Variants in CAPZA1 observed in about 807,000 individuals in gnomAD.
The protein encoded by CAPZA1 is F-actin-capping protein subunit alpha-1.
A neutral mutation model predicts 40.8 loss-of-function variants in CAPZA1; 10 were observed. The observed-to-expected ratio is 0.25, with a 90% CI of 0.15 to 0.42. The LOEUF is 0.42. CAPZA1 is among the 10% of genes least tolerant of loss of function. The pLI is 1.00. For missense variants in CAPZA1, 277 were observed against 353.8 expected (o/e 0.78, Z 1.74); for synonymous variants, 98 against 115.0 (o/e 0.85, Z 0.95).
intron 7 of CAPZA1, among the ~76,000 whole-genome samples, chr1:112,663,566 A>T (rs567319727): frequency 6.6e-6 from 1 of 151,710 alleles, no homozygotes; most frequent in Non-Finnish European, 1.5e-5. Context: ...CAGTGGTGCA[A>T]TCTCAGTTCA....
chr1:112,636,167 T>C (rs1178401909), intron 1 of CAPZA1, among the ~76,000 whole-genome samples: 4 of 152,192 alleles, frequency 2.6e-5, no homozygotes, highest in Non-Finnish European at 5.9e-5. Flanking sequence ...CTTGCTAAAA[T>C]ATGGTATATG....
chr1:112,644,503 A>G (rs1671245362), intron 1 of CAPZA1, among the ~76,000 whole-genome samples: 2 of 152,164 alleles, frequency 1.3e-5, no homozygotes, highest in South Asian at 4.2e-4. Context: ...CCAGCTTTGT[A>G]TTCAAGAGAC....
chr1:112,632,040 C>CAT (rs1364639496), intron 1 of CAPZA1, among the ~76,000 whole-genome samples: 1 of 152,202 alleles, frequency 6.6e-6, no homozygotes, highest in Non-Finnish European at 1.5e-5. Context: ...TGTGGTGGCT[C>CAT]ATGCCCGTAA....
intron 3 of CAPZA1, 29 bp from the exon 4 acceptor site, chr1:112,653,569 T>C (rs1406428585): frequency 1.4e-6 from 2 of 1,411,838 alleles, no homozygotes; most frequent in Non-Finnish European, 1.9e-6. Flanking sequence ...TTTTTTTTTT[T>C]TTTTTAAAAA....
chr1:112,623,790 T>C (rs1379140750), intron 1 of CAPZA1, among the ~76,000 whole-genome samples: 2 of 151,214 alleles, frequency 1.3e-5, no homozygotes, highest in African/African-American at 2.4e-5. Context: ...GATCGAGACC[T>C]GACCTCAGGA....
chr1:112,634,637 ATATTT>A (rs1230281389), intron 1 of CAPZA1: 2 of 152,202 alleles, frequency 1.3e-5, no homozygotes, highest in Non-Finnish European at 2.9e-5. Context: ...CTCTCCTGTT[ATATTT>A]TAAGTATTCT....
rs569283591 is a variant in CAPZA1 at position 112,659,734 on chromosome 1, C to T, written c.540C>T (p.Thr180=). ...NGRWRSEWKF[T]ITPPTAQVVG... Reference sequence around the variant, plus strand: ...GTTGGAGATCAGAGTGGAAGTTCACCATCACACCACCTACAGCCCAGGTGG... The same window carrying T: ...GTTGGAGATCAGAGTGGAAGTTCACTATCACACCACCTACAGCCCAGGTGG... The change falls in exon 7 of 10, where the codon ACC becomes ACT. Residue 180 remains threonine (T), a synonymous_variant. Coordinates refer to ENST00000263168, the MANE Select transcript of CAPZA1 (RefSeq NM_006135.3). 1.2e-6 allele frequency: 2 copies of T among 1,613,552 alleles called. No individual in the cohort carries two copies. Among genetic ancestry groups the T allele is most frequent in the East Asian group, 2.2e-5 (1 of 44,872 alleles).
At chr1:112,667,017 A>T in intron 7 of CAPZA1, 57 bp from the exon 8 acceptor site, 1 of 1,235,162 alleles carries the variant, frequency 8.1e-7, no homozygotes, top group South Asian at 1.3e-5. Flanking sequence ...TTGTGTCCTA[A>T]ATAACAGGTT....
chr1:112,662,395 C>CTTTTTTTTTTTTTT (rs35100851), intron 7 of CAPZA1, among the ~76,000 whole-genome samples: 5 of 97,256 alleles, frequency 5.1e-5, no homozygotes, highest in South Asian at 3.4e-4. Context: ...TAGAATTTTT[C>CTTTTTTTTTTTTTT]TTTTTTTTTT....
rs1237489737 is a variant in CAPZA1 at position 112,659,186 on chromosome 1, A to ATTATT, written c.506+87_506+91dup. ...TTTTTAATCCAACTAGCTTGGAATAATTATTTAACTTACAGACTTCAGTTT... is the reference window on the plus strand; with the variant it reads ...TTTTTAATCCAACTAGCTTGGAATAATTATTTTATTTAACTTACAGACTTCAGTTT... On this transcript the variant is annotated intron_variant, in intron 6 of 9. Transcript: ENST00000263168. 3.5e-6 allele frequency: 3 copies of ATTATT among 863,962 alleles called. No homozygotes were observed. In the African/African-American group the frequency reaches 5.0e-5, roughly 14 times the overall value. 53.5% of individuals were successfully genotyped at this position (863,962 alleles called of 1,614,324 possible).
At chr1:112,638,938 G>GCTATAGATATAGC (rs1557729650) in intron 1 of CAPZA1, among the ~76,000 whole-genome samples, 15 of 78,004 alleles carry the variant, frequency 1.9e-4, no homozygotes, top group African/African-American at 1.0e-3. Flanking sequence ...ATAGATATAG[G>GCTATAGATATAGC]TATAGATATA....
intron 3 of CAPZA1, among the ~76,000 whole-genome samples, chr1:112,651,401 A>G (rs1362854451): frequency 1.3e-5 from 2 of 152,228 alleles, no homozygotes; most frequent in African/African-American, 2.4e-5. Context: ...GACAATGAGA[A>G]TAGTTCAGGG....
intron 1 of CAPZA1, chr1:112,634,923 T>A (rs182687213): frequency 6.6e-6 from 1 of 152,164 alleles, no homozygotes; most frequent in Non-Finnish European, 1.5e-5. Flanking sequence ...TAGTACCTCA[T>A]AATAATCTTT....
Position 112,647,235 on chromosome 1 carries a change from C to T in CAPZA1, c.65C>T (p.Thr22Ile). The T allele has an allele frequency of 1.3e-6, 2 of 1,530,446 alleles. No homozygotes were observed. Among genetic ancestry groups the T allele is most frequent in the Non-Finnish European group, 1.8e-6 (2 of 1,131,056 alleles). The allele number at this position is 1,530,446 out of a possible 1,614,324, so 94.8% of individuals were successfully genotyped here. A position where few individuals can be genotyped will look rare whatever the true frequency, so the allele number is the denominator to read the frequency against. Reference sequence around the variant, plus strand: ...GTACGCATAGCTGCTAAATTCATCACTCATGCACCCCCAGGGGAATTTAAT... The same window carrying T: ...GTACGCATAGCTGCTAAATTCATCATTCATGCACCCCCAGGGGAATTTAAT... ...EKVRIAAKFI[T>I]HAPPGEFNEV... Residue 22 changes from threonine (T) to isoleucine (I), a missense_variant, in exon 2 of 10, where the codon ACT becomes ATT. By Grantham distance (89) the Thr-to-Ile change is moderately conservative (BLOSUM62 -1). This residue lies in a region of CAPZA1 where 85 missense variants were observed against 76.5 expected (regional missense o/e 1.11). Transcript: ENST00000263168.
intron 1 of CAPZA1, among the ~76,000 whole-genome samples, chr1:112,628,944 G>A (rs139083126): frequency 6.6e-6 from 1 of 152,288 alleles, no homozygotes; most frequent in African/African-American, 2.4e-5. Flanking sequence ...AGAAGCCATT[G>A]TGACCTCTAG....
intron 7 of CAPZA1, among the ~76,000 whole-genome samples, chr1:112,660,461 G>T (rs995942919): frequency 3.3e-5 from 5 of 151,832 alleles, no homozygotes; most frequent in African/African-American, 1.2e-4. Context: ...TCTATTTTTA[G>T]TACAGGCGGG....
In CAPZA1 at chr1:112,667,063, G is replaced by T. The variant is rs200967103; in HGVS notation, c.586-11G>T. 2.0e-3 allele frequency: 3,227 copies of T among 1,603,240 alleles called. 3 individuals carry two copies. Among genetic ancestry groups the T allele is most frequent in the Non-Finnish European group, 2.3e-3 (2,725 of 1,173,596 alleles). ...CTTCCCCTAAAAAGGCTCAAACATT[G>T]TCTCACACAGGTTCACTATTATGAA... On this transcript the variant is annotated splice_polypyrimidine_tract_variant and intron_variant, in intron 7 of 9. Coordinates refer to ENST00000263168, the MANE Select transcript of CAPZA1 (RefSeq NM_006135.3).
intron 5 of CAPZA1, 62 bp from the exon 6 acceptor site, chr1:112,658,947 CTGCTTTTGTACAA>C: frequency 9.2e-7 from 1 of 1,086,348 alleles, no homozygotes; most frequent in Non-Finnish European, 1.4e-6. Context: ...ATTTAACACT[CTGCTTTTGTACAA>C]TGCATGTTGT....
intron 9 of CAPZA1, among the ~76,000 whole-genome samples, 174 bp downstream of exon 9, chr1:112,669,779 A>C (rs1486576445): frequency 6.6e-6 from 1 of 152,316 alleles, no homozygotes; most frequent in East Asian, 1.9e-4. Context: ...TCAGGGTTTG[A>C]GGATTGCTTG....
Sources: allele counts gnomAD v4.1 joint callset (sites outside exome capture counted in the v4.1 genomes callset), GRCh38; gene constraint gnomAD v4.1.1; regional missense constraint gnomAD v4.1.1; transcripts MANE v1.5; gene names NCBI Gene and HGNC (gene_info 2026-07-23, HGNC 2026-07-21).